PCYT1A: variants seen among roughly 807,000 people sequenced by gnomAD.
PCYT1A encodes the protein choline-phosphate cytidylyltransferase A.
A neutral mutation model predicts 43.7 loss-of-function variants in PCYT1A; 25 were observed. The observed-to-expected ratio is 0.57, with a 90% CI of 0.42 to 0.80. The LOEUF (loss-of-function observed/expected upper bound fraction) is 0.80, where lower values mean the gene tolerates loss of function less well. Among genes scored for constraint, PCYT1A ranks in the 30% least tolerant of loss-of-function variants. The pLI is 0.00. For synonymous variants in PCYT1A, 172 were observed against 170.7 expected (o/e 1.01, Z -0.06); for missense variants, 421 against 474.2 (o/e 0.89, Z 1.04).
intron 1 of PCYT1A, among the ~76,000 whole-genome samples, chr3:196,272,467 A>G (rs1193997047): frequency 6.6e-6 from 1 of 152,166 alleles, no homozygotes. Flanking sequence ...TACAGGCGTG[A>G]GCCATGGCGC....
At chr3:196,274,328 C>T (rs1380933968) in intron 1 of PCYT1A, among the ~76,000 whole-genome samples, 1 of 152,204 alleles carries the variant, frequency 6.6e-6, no homozygotes, top group Non-Finnish European at 1.5e-5. Flanking sequence ...CCCAGTGGCT[C>T]CATGGAGCGT....
At chr3:196,248,470 C>A in intron 3 of PCYT1A, 147 bp from the exon 4 acceptor site, 1 of 499,624 alleles carries the variant, frequency 2.0e-6, no homozygotes. Flanking sequence ...CTCCTGGGTT[C>A]AAGTGATTCT....
chr3:196,266,112 C>A (rs776531095), intron 2 of PCYT1A, among the ~76,000 whole-genome samples: 2 of 151,914 alleles, frequency 1.3e-5, no homozygotes, highest in Non-Finnish European at 2.9e-5. Context: ...ATGCTCACAT[C>A]TCATAAAAGG....
At position 196,242,014 on chromosome 3, in the gene PCYT1A, A is replaced by G. The variant is rs372600065; in HGVS notation, c.642T>C (p.Asp214=). The G allele has an allele frequency of 2.5e-6, 4 of 1,614,176 alleles. No homozygotes were observed. Among genetic ancestry groups the G allele is most frequent in the Non-Finnish European group, 2.5e-6 (3 of 1,180,030 alleles). The change falls in exon 7 of 9, where the codon GAT becomes GAC. Residue 214 remains aspartate (D), a synonymous_variant. Coordinates refer to ENST00000431016, the MANE Select transcript of PCYT1A (RefSeq NM_001312673.2). This position sits in a 1 kb window ranked among gnomAD's most constrained non-coding sequence, Gnocchi z 4.2. ...TCTGCAGGTTCCGCCTCGCATACAC[A>G]TCATAATCCCGCACAATTCGGGTGA... ...DIITRIVRDY[D]VYARRNLQRG...
In PCYT1A at chr3:196,277,748, G is replaced by A. The variant is rs1303016157; in HGVS notation, c.-10-7207C>T. Among the ~76,000 whole-genome samples, 1 of 152,190 alleles carries A rather than the reference G, an allele frequency of 6.6e-6. No homozygotes were observed. Among genetic ancestry groups the A allele is most frequent in the South Asian group, 2.1e-4 (1 of 4,828 alleles). ...TAGCTGAGCGTGGTGGCATGCACCT[G>A]TAATCCCAGCTACTTGGGAGGCTAA... On this transcript the variant is annotated intron_variant, in intron 1 of 8. Transcript: ENST00000431016. The surrounding 1 kb of genome is among the most constrained non-coding windows in gnomAD (Gnocchi z 4.1).
rs557715393 is a variant in PCYT1A, at chr3:196,243,682, C to T, written c.487-1042G>A. Reference sequence around the variant, plus strand: ...CCCAGTGCCTGCCATTGCAGGCGCACGCCGCCACGCCTGACTGGTTTTCGT... The same window carrying T: ...CCCAGTGCCTGCCATTGCAGGCGCATGCCGCCACGCCTGACTGGTTTTCGT... On this transcript the variant is annotated intron_variant, in intron 5 of 8. Transcript: ENST00000431016. Among the ~76,000 whole-genome samples, 5 of 152,372 alleles carry T rather than the reference C, an allele frequency of 3.3e-5. No individual in the cohort carries two copies. In the South Asian group the frequency reaches 6.2e-4, roughly 19 times the overall value.
chr3:196,245,808 G>A (rs1038087662), intron 5 of PCYT1A, among the ~76,000 whole-genome samples: 58 of 152,152 alleles, frequency 3.8e-4, no homozygotes, highest in African/African-American at 1.2e-3. Flanking sequence ...GAAATTAGCC[G>A]GGCATGGTGG....
chr3:196,244,035 G>C (rs1291254315), intron 5 of PCYT1A, among the ~76,000 whole-genome samples: 3 of 149,702 alleles, frequency 2.0e-5, no homozygotes, highest in Non-Finnish European at 4.4e-5. Flanking sequence ...CGGCCGCCCA[G>C]TCTGGGAAGT....
intron 2 of PCYT1A, among the ~76,000 whole-genome samples, chr3:196,260,331 A>T (rs1725072442): frequency 6.6e-6 from 1 of 152,230 alleles, no homozygotes; most frequent in Non-Finnish European, 1.5e-5. Context: ...ACTACTTCAT[A>T]TCAACCAGGA....
rs1482422900 is a variant in PCYT1A at position 196,277,814 on chromosome 3, T to C, written c.-10-7273A>G. On this transcript the variant is annotated intron_variant, in intron 1 of 8. Coordinates refer to ENST00000431016, the MANE Select transcript of PCYT1A (RefSeq NM_001312673.2). The surrounding 1 kb of genome is among the most constrained non-coding windows in gnomAD (Gnocchi z 4.1). ...TGATCCCTGGAGGTGGAGGTTGCAG[T>C]GAGCCTAAATCGCACGCCACTGCGC... Among the ~76,000 whole-genome samples, 1 of 152,214 alleles carries C rather than the reference T, an allele frequency of 6.6e-6. No homozygotes were observed. Among genetic ancestry groups the C allele is most frequent in the Non-Finnish European group, 1.5e-5 (1 of 68,032 alleles).
In PCYT1A at chr3:196,282,371, G is replaced by A. The variant is rs906257733; in HGVS notation, c.-11+5244C>T. Among the ~76,000 whole-genome samples, 3 of 152,200 alleles carry A rather than the reference G, an allele frequency of 2.0e-5. No homozygotes were observed. The highest frequency in any genetic ancestry group is 4.4e-5 in the Non-Finnish European group (3 of 68,050). On this transcript the variant is annotated intron_variant, in intron 1 of 8. Coordinates refer to ENST00000431016, the MANE Select transcript of PCYT1A (RefSeq NM_001312673.2). The surrounding 1 kb of genome is among the most constrained non-coding windows in gnomAD (Gnocchi z 4.3). ...TTTGGTGAGTAAACTCTTGTGTTTA[G>A]AATGTGATCTTCCTAGAGTGGGTTA...
chr3:196,243,685 C>G (rs576131785), intron 5 of PCYT1A, among the ~76,000 whole-genome samples: 3 of 152,160 alleles, frequency 2.0e-5, no homozygotes, highest in Non-Finnish European at 2.9e-5. Context: ...AGGCGCACGC[C>G]GCCACGCCTG....
Position 196,277,920 on chromosome 3 carries a change from T to C in PCYT1A, c.-10-7379A>G, listed in dbSNP as rs1725639565. Among the ~76,000 whole-genome samples, 1 of 149,054 alleles carries C rather than the reference T, an allele frequency of 6.7e-6. No individual in the cohort carries two copies. The highest frequency in any genetic ancestry group is 2.6e-5 in the African/African-American group (1 of 38,742). On this transcript the variant is annotated intron_variant, in intron 1 of 8. Coordinates refer to ENST00000431016, the MANE Select transcript of PCYT1A (RefSeq NM_001312673.2). This position sits in a 1 kb window ranked among gnomAD's most constrained non-coding sequence, Gnocchi z 4.1. ...ACTTTTACTCTGTAGGTCTCACAAG[T>C]TTTTTTCATTTTTTCCCGGCCTTCT...
intron 5 of PCYT1A, among the ~76,000 whole-genome samples, chr3:196,243,685 C>T (rs576131785): frequency 3.9e-5 from 6 of 152,278 alleles, no homozygotes; most frequent in East Asian, 1.9e-4. Context: ...AGGCGCACGC[C>T]GCCACGCCTG....
At position 196,268,638 on chromosome 3, in the gene PCYT1A, A is replaced by AAAAATG. The variant is rs1725344996; in HGVS notation, c.117+1776_117+1777insCATTTT. 6.6e-6 allele frequency among the ~76,000 whole-genome samples: 1 copy of AAAAATG among 152,016 alleles called. No individual in the cohort carries two copies. The highest frequency in any genetic ancestry group is 1.5e-5 in the Non-Finnish European group (1 of 68,010). ...TTACTCTAAAAATAAAAATAAAAATAAAAATAGTAAGCCAGGCATGGTGGT... is the reference window on the plus strand; with the variant it reads ...TTACTCTAAAAATAAAAATAAAAATAAAAATGAAAATAGTAAGCCAGGCATGGTGGT... On this transcript the variant is annotated intron_variant, in intron 2 of 8. Coordinates refer to ENST00000431016, the MANE Select transcript of PCYT1A (RefSeq NM_001312673.2). The surrounding 1 kb of genome is among the most constrained non-coding windows in gnomAD (Gnocchi z 4.4).
At position 196,239,524 on chromosome 3, in the gene PCYT1A, T is replaced by C. The variant is rs554729862; in HGVS notation, c.897+23A>G. 2.0e-6 allele frequency: 3 copies of C among 1,515,818 alleles called. No individual in the cohort carries two copies. In the East Asian group the frequency reaches 6.8e-5, roughly 34 times the overall value. The allele number at this position is 1,515,818 out of a possible 1,614,324, so 93.9% of individuals were successfully genotyped here. On this transcript the variant is annotated intron_variant, in intron 8 of 8. Transcript: ENST00000431016. ...TTTCCACAACATGGAACTCCCTACA[T>C]TGTCCAGTGGGAAAGAACATACCAG... is the stretch of plus-strand genomic sequence containing the variant.
intron 2 of PCYT1A, among the ~76,000 whole-genome samples, chr3:196,269,930 A>G (rs2108777501): frequency 6.6e-6 from 1 of 152,094 alleles, no homozygotes; most frequent in African/African-American, 2.4e-5. Flanking sequence ...CTGGAATGCA[A>G]TGGTGCAATC....
rs551894680 is a variant in PCYT1A, at chr3:196,279,477, A to G, written c.-11+8138T>C. Among the ~76,000 whole-genome samples the G allele has an allele frequency of 2.0e-5, 3 of 152,244 alleles. 1 individual carries two copies. Among genetic ancestry groups the G allele is most frequent in the African/African-American group, 7.2e-5 (3 of 41,550 alleles). On this transcript the variant is annotated intron_variant, in intron 1 of 8. Transcript: ENST00000431016. ...GCCTGCTAAGTACATTAGTGTCTCC[A>G]AAGTGCCCTCGAAATACAGAATGCA... is the stretch of plus-strand genomic sequence containing the variant.
At position 196,247,693 on chromosome 3, in the gene PCYT1A, T is replaced by C. The variant is rs754452703; in HGVS notation, c.335-175A>G. ...TGATAACGCTTTTCCTAATGCAGCG[T>C]ATACCTTCAGGAGCAACACTCACTA... On this transcript the variant is annotated intron_variant, in intron 4 of 8. Transcript: ENST00000431016. This position sits in a 1 kb window ranked among gnomAD's most constrained non-coding sequence, Gnocchi z 4.8. The C allele has an allele frequency of 9.9e-6, 7 of 705,342 alleles. No individual in the cohort carries two copies. Among genetic ancestry groups the C allele is most frequent in the Non-Finnish European group, 1.5e-5 (6 of 387,614 alleles). The allele number at this position is 705,342 out of a possible 1,614,324, so 43.7% of individuals were successfully genotyped here. A position where few individuals can be genotyped will look rare whatever the true frequency, so the allele number is the denominator to read the frequency against.
Sources: gnomAD v4.1 joint callset for allele counts (sites outside exome capture counted in the v4.1 genomes callset) on GRCh38, gnomAD v4.1.1 for gene constraint, Gnocchi (gnomAD v3.1) non-coding constraint, MANE v1.5 for transcripts, NCBI Gene and HGNC (gene_info 2026-07-23, HGNC 2026-07-21) for gene names.